TMEM117: variants seen among roughly 807,000 people sequenced by gnomAD.
TMEM117 encodes the protein transmembrane protein 117.
Under a neutral mutation model 52.4 loss-of-function variants are expected in TMEM117, and 27 were observed. The observed-to-expected ratio is 0.51, with a 90% CI of 0.38 to 0.71. The LOEUF (loss-of-function observed/expected upper bound fraction) is 0.71, where lower values mean the gene tolerates loss of function less well. Among genes scored for constraint, TMEM117 ranks in the 30% least tolerant of loss-of-function variants. The probability of loss-of-function intolerance (pLI) is 0.00; values close to 1 mark genes in which losing one functional copy is unlikely to be tolerated. For synonymous variants in TMEM117, 215 were observed against 206.3 expected, an observed-to-expected ratio of 1.04 and a Z score of -0.36; for missense variants, 556 against 630.5, an observed-to-expected ratio of 0.88 and a Z score of 1.26.
intron 6 of TMEM117, among the ~76,000 whole-genome samples, chr12:44,339,966 T>A (rs1216245944): frequency 2.0e-5 from 3 of 152,094 alleles, no homozygotes; most frequent in Non-Finnish European, 4.4e-5. Flanking sequence ...AAGTCTGCAA[T>A]GCACTGCCAG....
chr12:44,213,857 A>C (rs1319180060), intron 5 of TMEM117, among the ~76,000 whole-genome samples: 1 of 152,076 alleles, frequency 6.6e-6, no homozygotes, highest in Non-Finnish European at 1.5e-5. Context: ...TTTATAAATT[A>C]CCCGTTCTTG....
At chr12:44,262,269 G>C (rs943503444) in intron 5 of TMEM117, among the ~76,000 whole-genome samples, 5 of 152,188 alleles carry the variant, frequency 3.3e-5, no homozygotes, top group South Asian at 2.1e-4. Context: ...CCAGTGTCTA[G>C]TATATACTAT....
chr12:44,154,630 G>A (rs541030221), intron 4 of TMEM117, among the ~76,000 whole-genome samples: 1 of 150,560 alleles, frequency 6.6e-6, no homozygotes, highest in African/African-American at 2.4e-5. Flanking sequence ...CAGTTTGAAC[G>A]AAAAATAATA....
intron 2 of TMEM117, among the ~76,000 whole-genome samples, chr12:43,860,883 G>A (rs530384394): frequency 2.0e-4 from 31 of 152,082 alleles, no homozygotes; most frequent in African/African-American, 7.2e-4. Context: ...TTTTAGTGAC[G>A]CCCTTGAGCT....
At chr12:44,186,585 A>G (rs1349630326) in intron 4 of TMEM117, among the ~76,000 whole-genome samples, 4 of 152,102 alleles carry the variant, frequency 2.6e-5, no homozygotes, top group Admixed American at 2.0e-4. Context: ...ACAATAGCCT[A>G]TTTTTGCAAG....
At chr12:44,151,899 C>T (rs193201888) in intron 4 of TMEM117, among the ~76,000 whole-genome samples, 3,845 of 121,912 alleles carry the variant, frequency 0.032, 130 homozygotes, top group African/African-American at 0.085. Context: ...TATTTAATAT[C>T]ATTTAATATA....
chr12:44,009,842 CA>C, intron 3 of TMEM117: 1 of 269,894 alleles, frequency 3.7e-6, no homozygotes, highest in Non-Finnish European at 7.9e-6. Flanking sequence ...TATCCTTGTG[CA>C]AAATGGTCAG....
At chr12:44,343,779 C>T (rs990280651) in intron 6 of TMEM117, among the ~76,000 whole-genome samples, 15 of 152,146 alleles carry the variant, frequency 9.9e-5, no homozygotes, top group Admixed American at 5.9e-4. Context: ...TATTCATAGA[C>T]GAAGGAATAT....
the TMEM117 span, among the ~76,000 whole-genome samples, chr12:43,818,061 G>T: frequency 5.9e-5 from 9 of 152,128 alleles, no homozygotes. Flanking sequence ...ACTTTTCAAG[G>T]ATGCCTCTCT....
chr12:44,336,712 T>G (rs966468487), intron 6 of TMEM117, among the ~76,000 whole-genome samples: 2 of 150,688 alleles, frequency 1.3e-5, no homozygotes, highest in African/African-American at 2.4e-5. Flanking sequence ...ACCATAGGGG[T>G]TTTTTTTTGG....
At chr12:43,923,247 A>G (rs61932976) in intron 2 of TMEM117, among the ~76,000 whole-genome samples, 15,270 of 152,192 alleles carry the variant, frequency 0.1, 925 homozygotes, top group Middle Eastern at 0.22. Context: ...CTCTTGTGTA[A>G]TCTAGTTGGT....
At chr12:44,040,425 A>G (rs1238157639) in intron 3 of TMEM117, among the ~76,000 whole-genome samples, 3 of 152,098 alleles carry the variant, frequency 2.0e-5, no homozygotes, top group Non-Finnish European at 4.4e-5. Context: ...ATATTTCCTT[A>G]TATAAGCTTT....
Position 44,152,138 on chromosome 12 carries a change from T to A in TMEM117, c.510+8514T>A, listed in dbSNP as rs1040413467. On this transcript the variant is annotated intron_variant, in intron 4 of 7. Coordinates refer to ENST00000266534, the MANE Select transcript of TMEM117 (RefSeq NM_032256.3). ...ATAAATGTATATTATATATTTATAT[T>A]ATTTATATATTTATATTTACATAAT... Among the ~76,000 whole-genome samples the A allele has an allele frequency of 5.8e-3, 645 of 112,140 alleles. 4 individuals carry two copies. The highest frequency in any genetic ancestry group is 8.5e-3 in the Non-Finnish European group (523 of 61,598). The allele number at this position is 112,140 out of a possible 152,430, so 73.6% of individuals were successfully genotyped here.
chr12:44,311,911 G>GTATA (rs1317170037), intron 6 of TMEM117, among the ~76,000 whole-genome samples: 1 of 140,588 alleles, frequency 7.1e-6, no homozygotes, highest in African/African-American at 2.7e-5. Context: ...ATATATATGT[G>GTATA]TGTATATATA....
chr12:44,227,052 A>G lies in TMEM117; in HGVS notation c.608+15665A>G, dbSNP rs76193628. The stretch of plus-strand genomic sequence containing the variant: ...CATTTCATGGATTTTCACAAAGGCA[A>G]TTTCTAGGACCTGCATGCCTTTGGC... On this transcript the variant is annotated intron_variant, in intron 5 of 7. Coordinates refer to ENST00000266534, the MANE Select transcript of TMEM117 (RefSeq NM_032256.3). Among the ~76,000 whole-genome samples the G allele has an allele frequency of 2.4e-3, 363 of 152,232 alleles. 12 individuals are homozygous for G. The East Asian group carries it at 0.035, about 15-fold the overall frequency.
chr12:44,054,427 A>G (rs1201503030), intron 3 of TMEM117, among the ~76,000 whole-genome samples: 1 of 152,180 alleles, frequency 6.6e-6, no homozygotes, highest in Non-Finnish European at 1.5e-5. Context: ...GAATATATGA[A>G]CAATCGGTTT....
At chr12:44,233,821 A>C (rs1208422716) in intron 5 of TMEM117, among the ~76,000 whole-genome samples, 1 of 151,440 alleles carries the variant, frequency 6.6e-6, no homozygotes, top group African/African-American at 2.4e-5. Flanking sequence ...AGGTGAATAT[A>C]TGCAAGTTAT....
At chr12:44,108,204 T>C (rs1947996069) in intron 3 of TMEM117, among the ~76,000 whole-genome samples, 1 of 152,056 alleles carries the variant, frequency 6.6e-6, no homozygotes, top group South Asian at 2.1e-4. Flanking sequence ...TATTTATTTA[T>C]TTATTTATTT....
At chr12:43,845,658 C>T (rs1382916842) in intron 2 of TMEM117, among the ~76,000 whole-genome samples, 2 of 151,864 alleles carry the variant, frequency 1.3e-5, no homozygotes, top group Non-Finnish European at 2.9e-5. Flanking sequence ...TCAACATTTA[C>T]ATTAGGTATT....
Sources: allele counts gnomAD v4.1 joint callset (sites outside exome capture counted in the v4.1 genomes callset), GRCh38; gene constraint gnomAD v4.1.1; transcripts MANE v1.5; gene names NCBI Gene and HGNC (gene_info 2026-07-23, HGNC 2026-07-21).